The following ULK4 variants were observed in gnomAD, a reference collection of about 807,000 sequenced individuals.
ULK4 encodes the protein inactive serine/threonine-protein kinase ULK4.
Under a neutral mutation model 160.6 loss-of-function variants are expected in ULK4, and 133 were observed. The observed-to-expected ratio is 0.83, with a 90% CI of 0.72 to 0.96. ULK4 has a LOEUF of 0.96. Among genes scored for constraint, ULK4 ranks in the 40% least tolerant of loss-of-function variants. ULK4 has a pLI of 0.00. For missense variants in ULK4, 1,580 were observed against 1,499.5 expected, an observed-to-expected ratio of 1.05 and a Z score of -0.89; for synonymous variants, 534 against 539.8, an observed-to-expected ratio of 0.99 and a Z score of 0.15.
At chr3:41,460,221 T>C (rs1313689505) in intron 33 of ULK4, among the ~76,000 whole-genome samples, 1 of 152,190 alleles carries the variant, frequency 6.6e-6, no homozygotes, top group African/African-American at 2.4e-5. Flanking sequence ...TTAATGGTCC[T>C]ACTATCAGGA....
intron 32 of ULK4, among the ~76,000 whole-genome samples, chr3:41,501,470 C>A (rs891470694): frequency 1.3e-5 from 2 of 152,060 alleles, no homozygotes; most frequent in African/African-American, 4.8e-5. Context: ...TGCACTCCAG[C>A]CTGGGTGACA....
intron 35 of ULK4, among the ~76,000 whole-genome samples, chr3:41,325,533 CAA>C (rs755312452): frequency 3.7e-4 from 56 of 152,058 alleles, no homozygotes; most frequent in Admixed American, 2.4e-3. Context: ...AAAATGGTTT[CAA>C]AGAGACTAAA....
intron 30 of ULK4, among the ~76,000 whole-genome samples, chr3:41,622,236 T>C (rs2033279698): frequency 6.6e-6 from 1 of 151,840 alleles, no homozygotes; most frequent in Admixed American, 6.6e-5. Context: ...AGAAATACCA[T>C]TTGACCCATT....
At chr3:41,492,162 T>G (rs1166569365) in intron 32 of ULK4, among the ~76,000 whole-genome samples, 1 of 151,038 alleles carries the variant, frequency 6.6e-6, no homozygotes, top group African/African-American at 2.4e-5. Flanking sequence ...TCCAAGTCTT[T>G]GCTATTGTGA....
intron 34 of ULK4, among the ~76,000 whole-genome samples, chr3:41,438,357 T>C (rs923374573): frequency 1.3e-5 from 2 of 152,150 alleles, no homozygotes; most frequent in Non-Finnish European, 2.9e-5. Context: ...GAGCGTGCTA[T>C]GGTGAGCACT....
Position 41,825,538 on chromosome 3 carries a change from G to A in ULK4, c.1765-6032C>T, listed in dbSNP as rs147182880. On this transcript the variant is annotated intron_variant, in intron 18 of 36. Coordinates refer to ENST00000301831, the MANE Select transcript of ULK4 (RefSeq NM_017886.4). Reference sequence around the variant, plus strand: ...AGGCGCAAGCCTCGGTAGCCAATTCGATCAACTGGAAGAAAGGGTATCAGT... The same window carrying A: ...AGGCGCAAGCCTCGGTAGCCAATTCAATCAACTGGAAGAAAGGGTATCAGT... 3.7e-3 allele frequency among the ~76,000 whole-genome samples: 562 copies of A among 152,314 alleles called. 3 individuals carry two copies. Among genetic ancestry groups the A allele is most frequent in the African/African-American group, 0.013 (534 of 41,558 alleles).
At chr3:41,437,564 C>G (rs2083064547) in intron 34 of ULK4, among the ~76,000 whole-genome samples, 1 of 152,050 alleles carries the variant, frequency 6.6e-6, no homozygotes, top group African/African-American at 2.4e-5. Context: ...TATCTTGGTC[C>G]CCAGAGATGC....
chr3:41,490,167 GCTTT>G (rs1168110335), intron 32 of ULK4, among the ~76,000 whole-genome samples: 1 of 152,126 alleles, frequency 6.6e-6, no homozygotes, highest in Non-Finnish European at 1.5e-5. Flanking sequence ...AGCTGGTTTA[GCTTT>G]CTAACAGTTC....
intron 17 of ULK4, among the ~76,000 whole-genome samples, chr3:41,872,174 A>G (rs754649051): frequency 7.2e-5 from 11 of 152,136 alleles, no homozygotes; most frequent in Admixed American, 2.6e-4. Flanking sequence ...TCAAATTTCA[A>G]TGGAAAGTTA....
At chr3:41,667,957 T>G (rs545121447) in intron 29 of ULK4, among the ~76,000 whole-genome samples, 10 of 152,348 alleles carry the variant, frequency 6.6e-5, no homozygotes, top group African/African-American at 2.4e-4. Flanking sequence ...GTGCCTGGTA[T>G]AGACAGTGCC....
At chr3:41,768,746 C>A (rs1418613155) in intron 21 of ULK4, among the ~76,000 whole-genome samples, 2 of 152,138 alleles carry the variant, frequency 1.3e-5, no homozygotes, top group East Asian at 3.9e-4. Context: ...TGGTTTGTTA[C>A]ACAGCAATAG....
intron 31 of ULK4, among the ~76,000 whole-genome samples, chr3:41,582,123 T>A (rs2030400077): frequency 6.6e-6 from 1 of 152,166 alleles, no homozygotes; most frequent in Non-Finnish European, 1.5e-5. Context: ...ATGGGGGTAA[T>A]TTCCCCATAC....
At chr3:41,460,223 C>T (rs977808308) in intron 33 of ULK4, among the ~76,000 whole-genome samples, 5 of 152,162 alleles carry the variant, frequency 3.3e-5, no homozygotes, top group African/African-American at 1.2e-4. Flanking sequence ...AATGGTCCTA[C>T]TATCAGGAGG....
intron 35 of ULK4, among the ~76,000 whole-genome samples, chr3:41,290,654 A>G (rs1206143489): frequency 6.6e-6 from 1 of 152,188 alleles, no homozygotes; most frequent in African/African-American, 2.4e-5. Context: ...CTCAGCGGCT[A>G]GGAGGCAACA....
At chr3:41,950,016 A>G (rs893672236) in intron 2 of ULK4, among the ~76,000 whole-genome samples, 3 of 149,812 alleles carry the variant, frequency 2.0e-5, no homozygotes, top group African/African-American at 4.9e-5. Context: ...GATTATAGGC[A>G]TGAGCCACCA....
intron 31 of ULK4, among the ~76,000 whole-genome samples, chr3:41,603,462 C>G (rs1296759795): frequency 1.3e-5 from 2 of 152,062 alleles, no homozygotes; most frequent in Non-Finnish European, 1.5e-5. Flanking sequence ...GGCAAAGATA[C>G]AGAAGAACTC....
At chr3:41,488,450 GATC>G (rs886594130) in intron 32 of ULK4, among the ~76,000 whole-genome samples, 4 of 152,148 alleles carry the variant, frequency 2.6e-5, no homozygotes, top group Admixed American at 1.3e-4. Flanking sequence ...ACATAACCCA[GATC>G]ATCTCTGGGA....
intron 12 of ULK4, among the ~76,000 whole-genome samples, chr3:41,901,690 G>A (rs1288838852): frequency 1.3e-5 from 2 of 150,332 alleles, no homozygotes; most frequent in East Asian, 4.0e-4. Context: ...ATGTTGGCCA[G>A]GCTGGTCTCG....
chr3:41,724,987 A>C (rs1299928777), intron 22 of ULK4, among the ~76,000 whole-genome samples: 1 of 152,164 alleles, frequency 6.6e-6, no homozygotes, highest in African/African-American at 2.4e-5. Context: ...TGATGAAGTA[A>C]GTCTGTACAT....
Sources: allele counts gnomAD v4.1 joint callset (sites outside exome capture counted in the v4.1 genomes callset), GRCh38; gene constraint gnomAD v4.1.1; transcripts MANE v1.5; gene names NCBI Gene and HGNC (gene_info 2026-07-23, HGNC 2026-07-21).